IBTK: variants seen among roughly 807,000 people sequenced by gnomAD.
IBTK encodes the protein inhibitor of Bruton tyrosine kinase.
In IBTK, 83 loss-of-function variants were observed where a neutral mutation model predicts 154.9. The ratio of observed to expected loss-of-function variants is 0.54; its 90% CI spans 0.45 to 0.64. IBTK has a LOEUF of 0.64. Among genes scored for constraint, IBTK ranks in the 30% least tolerant of loss-of-function variants. IBTK has a pLI of 0.00. For synonymous variants in IBTK, 515 were observed against 536.1 expected (o/e 0.96, Z 0.54); for missense variants, 1,332 against 1,584.6 (o/e 0.84, Z 2.71).
At chr6:82,225,353 C>T in intron 6 of IBTK, 124 bp downstream of exon 6, 1 of 611,078 alleles carries the variant, frequency 1.6e-6, no homozygotes, top group South Asian at 2.0e-5. Flanking sequence ...ACAGTATATA[C>T]CACTGAAGAT....
chr6:82,225,844 T>C (rs77675532), intron 5 of IBTK, among the ~76,000 whole-genome samples, 197 bp from the exon 6 acceptor site: 3,100 of 152,148 alleles, frequency 0.02, 77 homozygotes, highest in East Asian at 0.12. Flanking sequence ...ATGAGCAAAA[T>C]ACATAAGCCC....
chr6:82,239,104 A>T (rs756209707), intron 2 of IBTK, among the ~76,000 whole-genome samples: 6 of 152,106 alleles, frequency 3.9e-5, no homozygotes, highest in Admixed American at 1.3e-4. Context: ...ATACTACTCA[A>T]AAACACAATT....
intron 1 of IBTK, among the ~76,000 whole-genome samples, chr6:82,245,205 G>C (rs1771098866): frequency 6.6e-6 from 1 of 152,154 alleles, no homozygotes; most frequent in Non-Finnish European, 1.5e-5. Context: ...GGGGAGTGCA[G>C]AAGAGGGGTC....
At chr6:82,190,877 A>G (rs1765801667) in intron 25 of IBTK, among the ~76,000 whole-genome samples, 196 bp downstream of exon 25, 1 of 151,990 alleles carries the variant, frequency 6.6e-6, no homozygotes, top group Non-Finnish European at 1.5e-5. Flanking sequence ...AACACCCCAA[A>G]TTAAAAGAAA....
chr6:82,224,151 A>G lies in IBTK; in HGVS notation c.860T>C (p.Ile287Thr), dbSNP rs753271943. The G allele has an allele frequency of 2.6e-5, 42 of 1,613,960 alleles. No individual in the cohort carries two copies. Among genetic ancestry groups the G allele is most frequent in the Non-Finnish European group, 3.4e-5 (40 of 1,179,928 alleles). The change falls in exon 7 of 29, where the codon ATT becomes ACT. Residue 287 changes from isoleucine to threonine, a missense_variant. Coordinates refer to ENST00000306270, the MANE Select transcript of IBTK (RefSeq NM_015525.4). ...QAKYLKGRTIIGVAAGRFHTV... is the reference protein window; with the variant it reads ...QAKYLKGRTITGVAAGRFHTV... ...ATGAAACCTGCCTGCTGCAACGCCA[A>G]TGATTGTCCTTCCTTTCAGATATTT...
chr6:82,177,042 T>C (rs1768148154), intron 26 of IBTK, among the ~76,000 whole-genome samples: 1 of 152,200 alleles, frequency 6.6e-6, no homozygotes, highest in Non-Finnish European at 1.5e-5. Flanking sequence ...AAAAAGTGCT[T>C]ATGAACTGAC....
chr6:82,198,047 T>C (rs748285053), intron 21 of IBTK, among the ~76,000 whole-genome samples: 7 of 152,218 alleles, frequency 4.6e-5, no homozygotes, highest in Non-Finnish European at 8.8e-5. Flanking sequence ...ATTTTATTTC[T>C]TTTGGTCACT....
rs777133897 is a variant in IBTK, at chr6:82,223,455, T to C, written c.1109A>G (p.Lys370Arg). ...DIYLLADYQC[K>R]KMASKQLNLK... ...ATACACATACTTAGAAGCCATCTTCTTGCACTGATAGTCTGCAAGTAAGTA... is the reference window on the plus strand; with the variant it reads ...ATACACATACTTAGAAGCCATCTTCCTGCACTGATAGTCTGCAAGTAAGTA... The change falls in exon 8 of 29, where the codon AAG becomes AGG. Residue 370 changes from lysine (K) to arginine (R), a missense_variant. Lys to Arg is a conservative substitution (Grantham distance 26). Transcript: ENST00000306270. The C allele has an allele frequency of 1.2e-6, 2 of 1,613,232 alleles. No individual in the cohort carries two copies. Among genetic ancestry groups the C allele is most frequent in the Admixed American group, 3.3e-5 (2 of 59,912 alleles).
chr6:82,188,917 C>T (rs1768653637), intron 25 of IBTK: 1 of 278,512 alleles, frequency 3.6e-6, no homozygotes, highest in Non-Finnish European at 6.9e-6. Context: ...GTAATCCTAG[C>T]TATTCAGGAG....
chr6:82,246,753 G>C (rs1159337740), intron 1 of IBTK, among the ~76,000 whole-genome samples: 2 of 152,164 alleles, frequency 1.3e-5, no homozygotes, highest in Non-Finnish European at 2.9e-5. Flanking sequence ...TACAAAAAGA[G>C]AAATGATCAA....
chr6:82,205,021 A>G, intron 16 of IBTK, 63 bp from the exon 17 acceptor site: 2 of 934,312 alleles, frequency 2.1e-6, no homozygotes, highest in Non-Finnish European at 1.6e-6. Flanking sequence ...AGAAAAAAAA[A>G]TTTGAAGTAA....
chr6:82,214,740 T>C lies in IBTK; in HGVS notation c.1691A>G (p.His564Arg), dbSNP rs757919104. Residue 564 changes from histidine to arginine, a missense_variant, in exon 12 of 29, where the codon CAT (histidine) becomes CGT (arginine). By Grantham distance (29) the His-to-Arg change is conservative (BLOSUM62 0). Around this residue, in one of 3 missense-constraint regions of IBTK, gnomAD observed 1,134 missense variants for 1,274.7 expected, o/e 0.89. Coordinates refer to ENST00000306270, the MANE Select transcript of IBTK (RefSeq NM_015525.4). ...ATTGCCAACTTGAAATGTCACATCA[T>C]GAATGCTGTCCATTTCATCTGCTTC... ...LREADEMDSI[H>R]DVTFQVGNRL... 6.2e-7 allele frequency: 1 copy of C among 1,614,098 alleles called. No homozygotes were observed. Among genetic ancestry groups the C allele is most frequent in the East Asian group, 2.2e-5 (1 of 44,852 alleles).
chr6:82,217,630 G>A (rs1434824737), intron 10 of IBTK, among the ~76,000 whole-genome samples: 1 of 152,164 alleles, frequency 6.6e-6, no homozygotes, highest in Admixed American at 6.5e-5. Flanking sequence ...TTATGATTTT[G>A]AAGAATACGT....
At chr6:82,217,259 G>T (rs1162459836) in intron 10 of IBTK, among the ~76,000 whole-genome samples, 1 of 152,106 alleles carries the variant, frequency 6.6e-6, no homozygotes, top group African/African-American at 2.4e-5. Flanking sequence ...ACTTCCATAA[G>T]TTGAACCTAC....
At chr6:82,238,520 C>T (rs1305182555) in intron 2 of IBTK, among the ~76,000 whole-genome samples, 3 of 151,980 alleles carry the variant, frequency 2.0e-5, no homozygotes, top group Non-Finnish European at 2.9e-5. Flanking sequence ...TTACAGCAAC[C>T]GCCGCCTCCT....
Position 82,185,907 on chromosome 6 carries a change from G to A in IBTK, c.3576-3879C>T, listed in dbSNP as rs1582189542. On this transcript the variant is annotated intron_variant, in intron 25 of 28. Coordinates refer to ENST00000306270, the MANE Select transcript of IBTK (RefSeq NM_015525.4). Reference sequence around the variant, plus strand: ...TACTGTGTTTTTAAACAGGTTGAAGGTTTGTGGCAACCTTGCATGGAGCAA... The same window carrying A: ...TACTGTGTTTTTAAACAGGTTGAAGATTTGTGGCAACCTTGCATGGAGCAA... Among the ~76,000 whole-genome samples the A allele has an allele frequency of 2.0e-5, 3 of 152,184 alleles. No homozygotes were observed. In the South Asian group the frequency reaches 6.2e-4, roughly 32 times the overall value.
intron 21 of IBTK, among the ~76,000 whole-genome samples, chr6:82,197,358 A>T (rs1360424523): frequency 9.4e-5 from 13 of 138,894 alleles, no homozygotes. Context: ...TTTTTTTGCC[A>T]CACAATCTTT....
chr6:82,199,801 T>C (rs1195091322), intron 21 of IBTK, among the ~76,000 whole-genome samples: 2 of 152,170 alleles, frequency 1.3e-5, no homozygotes, highest in Non-Finnish European at 2.9e-5. Flanking sequence ...TATACTGAAC[T>C]ATATGCACAA....
intron 27 of IBTK, 50 bp downstream of exon 27, chr6:82,173,317 C>T (rs755982122): frequency 7.3e-7 from 1 of 1,366,842 alleles, no homozygotes; most frequent in Non-Finnish European, 1.0e-6. Flanking sequence ...GTTTTCAATG[C>T]TAAGCAGCAA....
Sources: gnomAD v4.1 joint callset for allele counts (sites outside exome capture counted in the v4.1 genomes callset) on GRCh38, gnomAD v4.1.1 for gene constraint, gnomAD v4.1.1 regional missense constraint, MANE v1.5 for transcripts, NCBI Gene and HGNC (gene_info 2026-07-23, HGNC 2026-07-21) for gene names.